Variants in OSBPL6 observed in about 807,000 individuals in gnomAD.
OSBPL6 encodes the protein oxysterol-binding protein-related protein 6.
Under a neutral mutation model 125.8 loss-of-function variants are expected in OSBPL6, and 49 were observed. That is an observed-to-expected ratio of 0.39 (90% CI 0.31 to 0.49). The LOEUF (loss-of-function observed/expected upper bound fraction) is 0.49, where lower values mean the gene tolerates loss of function less well. Ranked by LOEUF, OSBPL6 falls within the 20% of genes least tolerant of loss-of-function variation. OSBPL6 has a pLI of 0.88. For missense variants in OSBPL6, 986 were observed against 1,135.4 expected (o/e 0.87, Z 1.89); for synonymous variants, 394 against 391.8 (o/e 1.01, Z -0.07).
At chr2:178,308,034 G>T (rs334605) in intron 3 of OSBPL6, among the ~76,000 whole-genome samples, 147,875 of 152,340 alleles carry the variant, frequency 0.97, 71,810 homozygotes, top group Non-Finnish European at 0.98. Flanking sequence ...GTCTGTACAT[G>T]GATAATGAGT....
At chr2:178,229,600 C>T (rs937105106) in intron 1 of OSBPL6, among the ~76,000 whole-genome samples, 6 of 152,136 alleles carry the variant, frequency 3.9e-5, no homozygotes, top group Non-Finnish European at 5.9e-5. Context: ...GAGGCCAAGG[C>T]GAGTGGATCT....
chr2:178,199,292 C>T (rs187397134), intron 1 of OSBPL6, among the ~76,000 whole-genome samples: 71 of 152,280 alleles, frequency 4.7e-4, no homozygotes, highest in African/African-American at 1.6e-3. Flanking sequence ...CTGCTTTAAA[C>T]AAATAAAAAT....
chr2:178,207,535 AT>A (rs961224971), intron 1 of OSBPL6, among the ~76,000 whole-genome samples: 15 of 152,160 alleles, frequency 9.9e-5, no homozygotes, highest in African/African-American at 3.6e-4. Context: ...AGTGAACATA[AT>A]TTTTTAAGGG....
chr2:178,338,016 A>G (rs1395076189), intron 9 of OSBPL6, among the ~76,000 whole-genome samples: 5 of 145,268 alleles, frequency 3.4e-5, no homozygotes, highest in Non-Finnish European at 5.9e-5. Flanking sequence ...ATCTCTGCTC[A>G]CTGCAACCTC....
intron 3 of OSBPL6, among the ~76,000 whole-genome samples, chr2:178,322,541 T>G (rs1688333341): frequency 6.6e-6 from 1 of 152,172 alleles, no homozygotes; most frequent in Non-Finnish European, 1.5e-5. Context: ...CCTGGCAAAG[T>G]GTAGGTGCCT....
At chr2:178,267,637 G>C (rs919451272) in intron 1 of OSBPL6, among the ~76,000 whole-genome samples, 5 of 152,092 alleles carry the variant, frequency 3.3e-5, no homozygotes, top group African/African-American at 1.2e-4. Context: ...CAGAAAACTT[G>C]AGGCCAAGAA....
At chr2:178,374,151 A>G in intron 15 of OSBPL6, 124 bp downstream of exon 15, 2 of 1,185,654 alleles carry the variant, frequency 1.7e-6, no homozygotes, top group Non-Finnish European at 2.4e-6. Flanking sequence ...ATCATAGTAA[A>G]ATGTCCAAAT....
At chr2:178,289,048 C>T (rs1424056846) in intron 2 of OSBPL6, among the ~76,000 whole-genome samples, 4 of 132,300 alleles carry the variant, frequency 3.0e-5, no homozygotes, top group Non-Finnish European at 3.1e-5. Context: ...GACAGAGTCT[C>T]GCTCTGTCAC....
intron 1 of OSBPL6, among the ~76,000 whole-genome samples, chr2:178,256,398 G>A (rs1258060184): frequency 6.6e-6 from 1 of 152,210 alleles, no homozygotes; most frequent in Non-Finnish European, 1.5e-5. Flanking sequence ...ATGGCGTTGT[G>A]TAGTATCATC....
At chr2:178,360,580 T>A (rs1458679137) in intron 12 of OSBPL6, among the ~76,000 whole-genome samples, 1 of 152,198 alleles carries the variant, frequency 6.6e-6, no homozygotes, top group Non-Finnish European at 1.5e-5. Flanking sequence ...TAAAAAAAAT[T>A]TTTAAGCCTC....
intron 1 of OSBPL6, among the ~76,000 whole-genome samples, chr2:178,206,628 G>GT (rs1250174694): frequency 6.6e-6 from 1 of 151,836 alleles, no homozygotes; most frequent in East Asian, 1.9e-4. Context: ...TTTTGTTTTT[G>GT]TTTTGAGATG....
At chr2:178,227,833 T>C (rs903354713) in intron 1 of OSBPL6, among the ~76,000 whole-genome samples, 2 of 152,162 alleles carry the variant, frequency 1.3e-5, no homozygotes, top group East Asian at 3.8e-4. Flanking sequence ...AAGATGGTTG[T>C]TACCTCAGTA....
chr2:178,363,717 A>G (rs1283877287), intron 13 of OSBPL6, among the ~76,000 whole-genome samples: 1 of 152,196 alleles, frequency 6.6e-6, no homozygotes, highest in African/African-American at 2.4e-5. Flanking sequence ...TGGGGTTAAC[A>G]TATTTCCCTC....
chr2:178,339,031 A>G lies in OSBPL6; in HGVS notation c.831A>G (p.Lys277=). ...HCQSNLVELS[K]LLQNLEILQR... Reference sequence around the variant, plus strand: ...AGTCAAACCTTGTGGAACTTAGCAAACTCCTGCAAAATTTGGAAATACTTC... The same window carrying G: ...AGTCAAACCTTGTGGAACTTAGCAAGCTCCTGCAAAATTTGGAAATACTTC... Residue 277 remains lysine (K), a synonymous_variant, in exon 10 of 25, where the codon AAA becomes AAG. Coordinates refer to ENST00000190611, the MANE Select transcript of OSBPL6 (RefSeq NM_032523.4). 6.2e-7 allele frequency: 1 copy of G among 1,613,302 alleles called. No homozygotes were observed.
chr2:178,339,343 T>A (rs1461726717), intron 10 of OSBPL6, among the ~76,000 whole-genome samples: 3 of 152,220 alleles, frequency 2.0e-5, no homozygotes, highest in Non-Finnish European at 4.4e-5. Flanking sequence ...TGAATTATTC[T>A]TCCATGTTTG....
chr2:178,218,446 G>A lies in OSBPL6; in HGVS notation c.-351+23772G>A, dbSNP rs78974153. ...GAGAGAGAGAGAATGCTATAGCAAG[G>A]TAAGCTATTCTTGACAAAATGCTCT... On this transcript the variant is annotated intron_variant, in intron 1 of 24. Transcript: ENST00000190611. 1.5e-3 allele frequency among the ~76,000 whole-genome samples: 219 copies of A among 150,142 alleles called. 1 individual carries two copies. The East Asian group carries it at 0.03, about 21-fold the overall frequency.
chr2:178,383,782 A>G (rs990365759), intron 17 of OSBPL6, among the ~76,000 whole-genome samples: 2 of 152,114 alleles, frequency 1.3e-5, no homozygotes, highest in African/African-American at 4.8e-5. Context: ...ACTCTGTGAT[A>G]CTCATGACGT....
At chr2:178,251,232 G>A (rs2091682330) in intron 1 of OSBPL6, among the ~76,000 whole-genome samples, 1 of 152,162 alleles carries the variant, frequency 6.6e-6, no homozygotes, top group Non-Finnish European at 1.5e-5. Flanking sequence ...TCTGGTCAGA[G>A]AGCCCACAGT....
At chr2:178,336,556 T>C (rs1231818220) in intron 9 of OSBPL6, 123 bp downstream of exon 9, 1 of 1,105,588 alleles carries the variant, frequency 9.0e-7, no homozygotes, top group African/African-American at 1.6e-5. Context: ...TGACCTTTCC[T>C]TGCTCTTTCT....
Sources: gnomAD v4.1 joint callset for allele counts (sites outside exome capture counted in the v4.1 genomes callset) on GRCh38, gnomAD v4.1.1 for gene constraint, MANE v1.5 for transcripts, NCBI Gene and HGNC (gene_info 2026-07-23, HGNC 2026-07-21) for gene names.